The following RXFP1 variants were observed in gnomAD, a reference collection of about 807,000 sequenced individuals.
RXFP1 encodes the protein relaxin receptor 1.
A neutral mutation model predicts 89.8 loss-of-function variants in RXFP1; 73 were observed. That is an observed-to-expected ratio of 0.81 (90% CI 0.67 to 0.99). The LOEUF is 0.99. RXFP1 is among the 50% of genes least tolerant of loss of function. The pLI is 0.00. For synonymous variants in RXFP1, 277 were observed against 305.5 expected (o/e 0.91, Z 0.97); for missense variants, 793 against 895.5 (o/e 0.89, Z 1.46).
Position 158,527,805 on chromosome 4 carries a change from C to T in RXFP1, c.49+5780C>T, listed in dbSNP as rs1075700. 4.1e-3 allele frequency among the ~76,000 whole-genome samples: 630 copies of T among 151,980 alleles called. 20 individuals are homozygous for T. In the East Asian group the frequency reaches 0.088, roughly 21 times the overall value. ...GGCAAGGTAAAGCTATAAAGGACAA[C>T]ATCCTCATTTTTCACATAGAAAGAA... is the stretch of plus-strand genomic sequence containing the variant. On this transcript the variant is annotated intron_variant, in intron 1 of 17. Transcript: ENST00000307765.
At chr4:158,549,158 T>A (rs1401137895) in intron 1 of RXFP1, among the ~76,000 whole-genome samples, 6 of 151,862 alleles carry the variant, frequency 4.0e-5, no homozygotes, top group Admixed American at 3.3e-4. Context: ...TTCTTTTTAT[T>A]CTTTTTTCTC....
At chr4:158,524,336 C>T (rs540229600) in intron 1 of RXFP1, among the ~76,000 whole-genome samples, 2 of 152,268 alleles carry the variant, frequency 1.3e-5, no homozygotes, top group East Asian at 3.9e-4. Flanking sequence ...CAGACGTAAG[C>T]AACTATTAGT....
At position 158,561,430 on chromosome 4, in the gene RXFP1, A is replaced by G. The variant is rs28726169; in HGVS notation, c.50-11268A>G. On this transcript the variant is annotated intron_variant, in intron 1 of 17. Transcript: ENST00000307765. The stretch of plus-strand genomic sequence containing the variant: ...ATAAAATCATTTTAATATTGTATAA[A>G]CTTACTATCAGGCCATGTGTATAAA... Among the ~76,000 whole-genome samples the G allele has an allele frequency of 7.0e-3, 1,072 of 152,236 alleles. 16 individuals carry two copies. The highest frequency in any genetic ancestry group is 0.025 in the African/African-American group (1,029 of 41,534).
intron 1 of RXFP1, among the ~76,000 whole-genome samples, chr4:158,552,831 A>G (rs1408706294): frequency 2.0e-5 from 3 of 152,212 alleles, no homozygotes; most frequent in Non-Finnish European, 1.5e-5. Context: ...GTTTACAACT[A>G]GAGGTTAATG....
chr4:158,572,907 C>T, intron 2 of RXFP1, 72 bp downstream of exon 2: 1 of 1,558,866 alleles, frequency 6.4e-7, no homozygotes, highest in South Asian at 1.2e-5. Context: ...GCTGAGACTT[C>T]TCTCAACAAA....
Position 158,576,525 on chromosome 4 carries a change from G to A in RXFP1, c.187+3690G>A, listed in dbSNP as rs549117595. ...AGCTCTGTTTTAATATGAGCCTCGT[G>A]TCATTCTAATACACGCTAAGTTTTG... On this transcript the variant is annotated intron_variant, in intron 2 of 17. Coordinates refer to ENST00000307765, the MANE Select transcript of RXFP1 (RefSeq NM_021634.4). Among the ~76,000 whole-genome samples, 9 of 152,218 alleles carry A rather than the reference G, an allele frequency of 5.9e-5. No homozygotes were observed. The South Asian group carries it at 1.9e-3, about 32-fold the overall frequency.
chr4:158,602,191 T>C (rs1186359233), intron 4 of RXFP1, among the ~76,000 whole-genome samples: 1 of 152,214 alleles, frequency 6.6e-6, no homozygotes, highest in Non-Finnish European at 1.5e-5. Context: ...TATTGTGAAA[T>C]GTAGAGAATG....
intron 1 of RXFP1, among the ~76,000 whole-genome samples, chr4:158,538,804 CAAA>C (rs10603295): frequency 0.34 from 28,678 of 84,836 alleles, 3,922 homozygotes; most frequent in African/African-American, 0.49. Context: ...AATGCCGTCT[CAAA>C]AAAAAAAAAA....
rs578097986 is a variant in RXFP1 at position 158,606,610 on chromosome 4, G to T, written c.465-1362G>T. Among the ~76,000 whole-genome samples, 3 of 152,086 alleles carry T rather than the reference G, an allele frequency of 2.0e-5. No individual in the cohort carries two copies. In the South Asian group the frequency reaches 6.2e-4, roughly 32 times the overall value. On this transcript the variant is annotated intron_variant, in intron 5 of 17. Coordinates refer to ENST00000307765, the MANE Select transcript of RXFP1 (RefSeq NM_021634.4). Reference sequence around the variant, plus strand: ...TAATAATTTTTTTTTAAGAGACAGGGTCTCACTCTGTCACTCATGCTGGAG... The same window carrying T: ...TAATAATTTTTTTTTAAGAGACAGGTTCTCACTCTGTCACTCATGCTGGAG...
At chr4:158,534,617 T>C (rs1018611641) in intron 1 of RXFP1, among the ~76,000 whole-genome samples, 1 of 152,156 alleles carries the variant, frequency 6.6e-6, no homozygotes, top group Non-Finnish European at 1.5e-5. Flanking sequence ...ATTGTTGATG[T>C]TTTGGTTAAA....
intron 2 of RXFP1, 157 bp downstream of exon 2, chr4:158,572,992 A>C: frequency 8.9e-7 from 1 of 1,118,888 alleles, no homozygotes; most frequent in Non-Finnish European, 1.2e-6. Flanking sequence ...AGCTTAAAAT[A>C]TCCACTCTTT....
At chr4:158,593,101 A>G (rs1338052000) in intron 2 of RXFP1, among the ~76,000 whole-genome samples, 2 of 120,008 alleles carry the variant, frequency 1.7e-5, no homozygotes, top group Non-Finnish European at 3.1e-5. Flanking sequence ...AAAAAAAAAC[A>G]AAAACAAACA....
At chr4:158,627,594 C>T (rs576962213) in intron 10 of RXFP1, among the ~76,000 whole-genome samples, 1 of 150,994 alleles carries the variant, frequency 6.6e-6, no homozygotes, top group South Asian at 2.1e-4. Flanking sequence ...TGTGTTACCA[C>T]AGGAATGATT....
At chr4:158,593,281 G>GT in intron 2 of RXFP1, 120 bp from the exon 3 acceptor site, 1 of 485,034 alleles carries the variant, frequency 2.1e-6, no homozygotes, top group Non-Finnish European at 3.5e-6. Flanking sequence ...TCCAGATAAT[G>GT]TTTATCTCGC....
rs1763273263 is a variant in RXFP1, at chr4:158,610,057, A to T, written c.536+2014A>T. Among the ~76,000 whole-genome samples, 2 of 152,156 alleles carry T rather than the reference A, an allele frequency of 1.3e-5. 1 individual carries two copies. Among genetic ancestry groups the T allele is most frequent in the South Asian group, 4.1e-4 (2 of 4,828 alleles). ...GAGGTGGAAGGATCACGAGGTCAGG[A>T]GATGGAGACCATCCTGGCTAACACA... is the stretch of plus-strand genomic sequence containing the variant. On this transcript the variant is annotated intron_variant, in intron 6 of 17. Coordinates refer to ENST00000307765, the MANE Select transcript of RXFP1 (RefSeq NM_021634.4).
chr4:158,540,062 G>C (rs1170657804), intron 1 of RXFP1, among the ~76,000 whole-genome samples: 1 of 152,242 alleles, frequency 6.6e-6, no homozygotes, highest in African/African-American at 2.4e-5. Context: ...AACCTGGCAG[G>C]GGGTAGTTAC....
chr4:158,542,992 A>G (rs1747200039), intron 1 of RXFP1, among the ~76,000 whole-genome samples: 1 of 152,204 alleles, frequency 6.6e-6, no homozygotes, highest in Non-Finnish European at 1.5e-5. Flanking sequence ...AGGAGCAGAA[A>G]AAAATAACTA....
chr4:158,542,298 G>C (rs191611734), intron 1 of RXFP1, among the ~76,000 whole-genome samples: 17 of 151,242 alleles, frequency 1.1e-4, no homozygotes, highest in African/African-American at 3.9e-4. Context: ...TTCAGCGGCC[G>C]CAGCTGTATA....
chr4:158,610,933 A>G (rs1032224597), intron 6 of RXFP1, among the ~76,000 whole-genome samples: 9 of 152,222 alleles, frequency 5.9e-5, no homozygotes, highest in African/African-American at 2.2e-4. Flanking sequence ...TTTACTCAAG[A>G]TATGAAAGAC....
Sources: allele counts gnomAD v4.1 joint callset (sites outside exome capture counted in the v4.1 genomes callset), GRCh38; gene constraint gnomAD v4.1.1; transcripts MANE v1.5; gene names NCBI Gene and HGNC (gene_info 2026-07-23, HGNC 2026-07-21).